The following CDH2 variants were observed in gnomAD, a reference collection of about 807,000 sequenced individuals.
CDH2 encodes cadherin-2.
A neutral mutation model predicts 92.0 loss-of-function variants in CDH2; 17 were observed. The observed-to-expected ratio is 0.18, with a 90% CI of 0.13 to 0.28. The LOEUF (loss-of-function observed/expected upper bound fraction) is 0.28, where lower values mean the gene tolerates loss of function less well. Ranked by LOEUF, CDH2 falls within the 10% of genes least tolerant of loss-of-function variation. CDH2 has a pLI of 1.00. For synonymous variants in CDH2, 419 were observed against 415.9 expected, an observed-to-expected ratio of 1.01 and a Z score of -0.09; for missense variants, 862 against 1,133.1, an observed-to-expected ratio of 0.76 and a Z score of 3.44.
chr18:27,995,303 G>A (rs1375015327), intron 7 of CDH2, among the ~76,000 whole-genome samples: 1 of 105,452 alleles, frequency 9.5e-6, no homozygotes, highest in African/African-American at 4.0e-5. Context: ...GACAGAATGA[G>A]ACTCCATCTC....
intron 14 of CDH2, among the ~76,000 whole-genome samples, chr18:27,971,176 C>T (rs1185304555): frequency 1.3e-5 from 2 of 151,744 alleles, no homozygotes; most frequent in Admixed American, 1.3e-4. Context: ...GCAGAGGTTG[C>T]AGTAAGCCAA....
At chr18:27,972,906 A>C (rs1327965391) in intron 14 of CDH2, among the ~76,000 whole-genome samples, 2 of 152,188 alleles carry the variant, frequency 1.3e-5, no homozygotes, top group East Asian at 1.9e-4. Flanking sequence ...TGGGACTCTA[A>C]GACAAGATGT....
At chr18:28,152,272 A>C (rs1447570268) in intron 1 of CDH2, among the ~76,000 whole-genome samples, 1 of 152,218 alleles carries the variant, frequency 6.6e-6, no homozygotes, top group Non-Finnish European at 1.5e-5. Flanking sequence ...GGCAGGATTC[A>C]AACTCTGTAG....
At chr18:27,962,764 T>C (rs955773519) in intron 15 of CDH2, among the ~76,000 whole-genome samples, 9 of 152,242 alleles carry the variant, frequency 5.9e-5, no homozygotes, top group African/African-American at 2.2e-4. Context: ...AAGAATGTCA[T>C]AATAATTTTG....
chr18:27,979,623 A>T (rs1002955391), intron 14 of CDH2, among the ~76,000 whole-genome samples: 23 of 152,362 alleles, frequency 1.5e-4, no homozygotes, highest in Admixed American at 1.4e-3. Flanking sequence ...TTCCAACAGA[A>T]TACTATTCAG....
At chr18:28,131,195 T>G (rs2015763553) in intron 2 of CDH2, among the ~76,000 whole-genome samples, 1 of 152,206 alleles carries the variant, frequency 6.6e-6, no homozygotes, top group Non-Finnish European at 1.5e-5. Context: ...AAGTTTCATC[T>G]GGTCTATTCA....
intron 2 of CDH2, among the ~76,000 whole-genome samples, chr18:28,093,337 A>C (rs1489023633): frequency 3.3e-5 from 5 of 152,202 alleles, no homozygotes; most frequent in Non-Finnish European, 7.3e-5. Flanking sequence ...GATACTGGGT[A>C]AAGTCTCTTC....
At chr18:28,157,199 T>A (rs2016233319) in intron 1 of CDH2, among the ~76,000 whole-genome samples, 1 of 152,202 alleles carries the variant, frequency 6.6e-6, no homozygotes, top group Non-Finnish European at 1.5e-5. Context: ...CTCAGATTGA[T>A]TCTGTCCCAT....
At chr18:27,961,859 G>C (rs1238568470) in intron 15 of CDH2, among the ~76,000 whole-genome samples, 1 of 152,020 alleles carries the variant, frequency 6.6e-6, no homozygotes, top group Non-Finnish European at 1.5e-5. Context: ...CAGCACATTG[G>C]GAGTCTGAGG....
chr18:28,136,818 A>C (rs2015870258), intron 2 of CDH2, among the ~76,000 whole-genome samples: 1 of 152,174 alleles, frequency 6.6e-6, no homozygotes. Context: ...AGTAGAAAAT[A>C]ATCTACCAGA....
At chr18:28,011,150 T>C (rs1332683856) in intron 4 of CDH2, among the ~76,000 whole-genome samples, 3 of 152,156 alleles carry the variant, frequency 2.0e-5, no homozygotes, top group Non-Finnish European at 2.9e-5. Context: ...AATAATCATA[T>C]ACAGAAACAT....
At chr18:28,109,282 C>T (rs960378490) in intron 2 of CDH2, among the ~76,000 whole-genome samples, 3 of 152,100 alleles carry the variant, frequency 2.0e-5, no homozygotes, top group Non-Finnish European at 4.4e-5. Context: ...CTGTTTAAAA[C>T]AAATGTTTAA....
chr18:27,954,625 T>A (rs932532229), intron 15 of CDH2: 5 of 152,164 alleles, frequency 3.3e-5, no homozygotes, highest in African/African-American at 9.7e-5. Flanking sequence ...ACTTACAACT[T>A]AAGTAAGAAG....
intron 2 of CDH2, among the ~76,000 whole-genome samples, chr18:28,092,814 AT>A (rs971854704): frequency 1.8e-4 from 27 of 152,136 alleles, no homozygotes; most frequent in Non-Finnish European, 3.5e-4. Context: ...CTGTCCCCCT[AT>A]TTTAACAGTG....
chr18:28,035,544 CTTGT>C (rs2013805130), intron 2 of CDH2, among the ~76,000 whole-genome samples: 1 of 151,970 alleles, frequency 6.6e-6, no homozygotes, highest in Non-Finnish European at 1.5e-5. Flanking sequence ...TCATATTCAT[CTTGT>C]TTAACTTTAT....
intron 2 of CDH2, among the ~76,000 whole-genome samples, chr18:28,062,335 C>T (rs1442790931): frequency 6.6e-6 from 1 of 152,114 alleles, no homozygotes; most frequent in Non-Finnish European, 1.5e-5. Flanking sequence ...AACAATCTGT[C>T]AATTTTCCAA....
At chr18:28,050,693 T>G (rs954804786) in intron 2 of CDH2, among the ~76,000 whole-genome samples, 6 of 152,144 alleles carry the variant, frequency 3.9e-5, no homozygotes, top group African/African-American at 1.4e-4. Flanking sequence ...TTTTCACTTT[T>G]GTTGCTCTGC....
intron 2 of CDH2, among the ~76,000 whole-genome samples, chr18:28,014,268 C>T (rs1248734440): frequency 2.6e-5 from 4 of 152,090 alleles, no homozygotes; most frequent in African/African-American, 9.7e-5. Flanking sequence ...TCTAAAGTCA[C>T]TCAAAGCAGA....
intron 2 of CDH2, among the ~76,000 whole-genome samples, chr18:28,043,461 A>AATATATATATATATATATAT (rs1158754890): frequency 5.8e-4 from 42 of 71,922 alleles, no homozygotes; most frequent in South Asian, 9.2e-4. Context: ...GATATAAATA[A>AATATATATATATATATATAT]ATATATATAT....
Sources: gnomAD v4.1 joint callset for allele counts (sites outside exome capture counted in the v4.1 genomes callset) on GRCh38, gnomAD v4.1.1 for gene constraint, MANE v1.5 for transcripts, NCBI Gene and HGNC (gene_info 2026-07-23, HGNC 2026-07-21) for gene names.